MAP3K2: variants seen among roughly 807,000 people sequenced by gnomAD.
MAP3K2 encodes the protein MAP/ERK kinase kinase 2.
MAP3K2 carries 24 observed loss-of-function variants against 80.3 expected under a neutral mutation model. The ratio of observed to expected loss-of-function variants is 0.30; its 90% CI spans 0.22 to 0.42. The LOEUF (loss-of-function observed/expected upper bound fraction) is 0.42. Ranked by LOEUF, MAP3K2 falls within the 10% of genes least tolerant of loss-of-function variation. The pLI is 1.00. For synonymous variants in MAP3K2, 244 were observed against 253.7 expected (o/e 0.96, Z 0.36); for missense variants, 608 against 750.1 (o/e 0.81, Z 2.21).
intron 1 of MAP3K2, among the ~76,000 whole-genome samples, chr2:127,348,459 T>C (rs958483066): frequency 3.3e-5 from 5 of 152,124 alleles, no homozygotes; most frequent in African/African-American, 9.7e-5. Context: ...TGCTCCAACA[T>C]GGACAAATTT....
In MAP3K2 at chr2:127,298,815, T is replaced by A. The variant is rs530969813; in HGVS notation, c.*8764A>T. 2.0e-5 allele frequency: 3 copies of A among 152,212 alleles called. No homozygotes were observed. Among genetic ancestry groups the A allele is most frequent in the Non-Finnish European group, 4.4e-5 (3 of 68,028 alleles). 9.4% of individuals were successfully genotyped at this position (152,212 alleles called of 1,614,324 possible). The stretch of plus-strand genomic sequence containing the variant: ...AACATGTAAGAAAAAGCAGTTTTCA[T>A]TGTGCTAATTATTGCAGGCCTTCAT... On this transcript the variant is annotated 3_prime_UTR_variant, in exon 17 of 17. Coordinates refer to ENST00000682094, the MANE Select transcript of MAP3K2 (RefSeq NM_001371910.2).
In MAP3K2 at chr2:127,304,292, C is replaced by A. The variant is rs1463308468; in HGVS notation, c.*3287G>T. On this transcript the variant is annotated 3_prime_UTR_variant, in exon 17 of 17. Coordinates refer to ENST00000682094, the MANE Select transcript of MAP3K2 (RefSeq NM_001371910.2). ...TTTTCAGTCTGTATACTTTCAAATA[C>A]ATTTTAAATAATTAACAACCCATCA... is the stretch of plus-strand genomic sequence containing the variant. 6.6e-6 allele frequency: 1 copy of A among 152,118 alleles called. No homozygotes were observed. Among genetic ancestry groups the A allele is most frequent in the East Asian group, 1.9e-4 (1 of 5,196 alleles). 9.4% of individuals were successfully genotyped at this position (152,118 alleles called of 1,614,324 possible).
rs1685667452 is a variant in MAP3K2 at position 127,304,917 on chromosome 2, A to G, written c.*2662T>C. The G allele has an allele frequency of 6.6e-6, 1 of 152,524 alleles. No homozygotes were observed. Among genetic ancestry groups the G allele is most frequent in the Non-Finnish European group, 1.5e-5 (1 of 67,996 alleles). 9.4% of individuals were successfully genotyped at this position (152,524 alleles called of 1,614,324 possible). ...ATCGTATTTTATATAATAACTCTGT[A>G]AACTATTAGTCTATTTTTAAGTCTT... On this transcript the variant is annotated 3_prime_UTR_variant, in exon 17 of 17. Transcript: ENST00000682094.
At chr2:127,344,452 C>T (rs1452838478) in intron 1 of MAP3K2, among the ~76,000 whole-genome samples, 1 of 149,160 alleles carries the variant, frequency 6.7e-6, no homozygotes, top group Non-Finnish European at 1.5e-5. Flanking sequence ...GAGTTTGAGA[C>T]CAGCCTGGGC....
At chr2:127,334,873 C>A (rs753033961) in intron 5 of MAP3K2, among the ~76,000 whole-genome samples, 2 of 150,962 alleles carry the variant, frequency 1.3e-5, no homozygotes, top group Non-Finnish European at 2.9e-5. Context: ...CGGGTTCAAG[C>A]GATTCTCCTA....
chr2:127,384,236 T>TA (rs1558993425), intron 1 of MAP3K2, among the ~76,000 whole-genome samples: 1 of 134,274 alleles, frequency 7.4e-6, no homozygotes, highest in Non-Finnish European at 1.6e-5. Context: ...ATATATATAT[T>TA]GCTTTTTTAG....
At position 127,303,461 on chromosome 2, in the gene MAP3K2, G is replaced by A. The variant is rs1207877577; in HGVS notation, c.*4118C>T. On this transcript the variant is annotated 3_prime_UTR_variant, in exon 17 of 17. Coordinates refer to ENST00000682094, the MANE Select transcript of MAP3K2 (RefSeq NM_001371910.2). The stretch of plus-strand genomic sequence containing the variant: ...TGCTATGTGACCTGGTTGGGGAGGG[G>A]ATCCCTCTAGTTTGGAGATACTTTT... 1 of 152,072 alleles carries A rather than the reference G, an allele frequency of 6.6e-6. No individual in the cohort carries two copies. 9.4% of individuals were successfully genotyped at this position (152,072 alleles called of 1,614,324 possible).
chr2:127,316,652 A>G (rs1264370552), intron 14 of MAP3K2, among the ~76,000 whole-genome samples: 1 of 152,206 alleles, frequency 6.6e-6, no homozygotes, highest in South Asian at 2.1e-4. Flanking sequence ...AAACTTTACA[A>G]TGCAGGACTC....
chr2:127,320,102 A>G (rs1357084852), intron 12 of MAP3K2, among the ~76,000 whole-genome samples: 1 of 152,178 alleles, frequency 6.6e-6, no homozygotes, highest in Non-Finnish European at 1.5e-5. Flanking sequence ...GATATCTGGC[A>G]TTCAATGTAA....
At chr2:127,368,237 A>C (rs1011097740) in intron 1 of MAP3K2, among the ~76,000 whole-genome samples, 1 of 151,760 alleles carries the variant, frequency 6.6e-6, no homozygotes, top group African/African-American at 2.4e-5. Context: ...CACAAGAATC[A>C]CTTGAACCCA....
intron 15 of MAP3K2, among the ~76,000 whole-genome samples, chr2:127,313,260 T>A (rs952333514): frequency 6.6e-6 from 1 of 152,176 alleles, no homozygotes; most frequent in Non-Finnish European, 1.5e-5. Context: ...CTTGCCTCAT[T>A]ATGAGGGCTA....
In MAP3K2 at chr2:127,365,116, C is replaced by CAAA. The variant is rs10558890; in HGVS notation, c.-65-21925_-65-21923dup. Among the ~76,000 whole-genome samples, 114 of 31,656 alleles carry CAAA rather than the reference C, an allele frequency of 3.6e-3. 40 individuals are homozygous for CAAA. Among genetic ancestry groups the CAAA allele is most frequent in the African/African-American group, 9.0e-3 (79 of 8,786 alleles). 20.8% of individuals were successfully genotyped at this position (31,656 alleles called of 152,430 possible). On this transcript the variant is annotated intron_variant, in intron 1 of 16. Transcript: ENST00000682094. ...TGGGCGACAGAGTGAGACTCTGCCT[C>CAAA]AAAAAAAAAAAAAAAAAAAAAAAAA...
At chr2:127,369,034 G>C (rs181366046) in intron 1 of MAP3K2, among the ~76,000 whole-genome samples, 2 of 151,706 alleles carry the variant, frequency 1.3e-5, no homozygotes, top group African/African-American at 4.8e-5. Flanking sequence ...TGCAACCTCC[G>C]ACTCCCTGGT....
In MAP3K2 at chr2:127,377,053, C is replaced by G. The variant is rs543025296; in HGVS notation, c.-66+10399G>C. 2.6e-5 allele frequency among the ~76,000 whole-genome samples: 4 copies of G among 151,332 alleles called. No homozygotes were observed. The South Asian group carries it at 8.4e-4, about 32-fold the overall frequency. ...TCCAGCCTGAATGATAGAGCGAGAT[C>G]CTGTCTCAAAAAAAAAAAAGAAATC... is the stretch of plus-strand genomic sequence containing the variant. On this transcript the variant is annotated intron_variant, in intron 1 of 16. Coordinates refer to ENST00000682094, the MANE Select transcript of MAP3K2 (RefSeq NM_001371910.2).
chr2:127,342,388 G>GGGGTGTGTGTGTGTGTGTGT (rs143219830), intron 2 of MAP3K2, among the ~76,000 whole-genome samples: 3 of 147,744 alleles, frequency 2.0e-5, no homozygotes, highest in African/African-American at 7.6e-5. Context: ...TCTTCATGAG[G>GGGGTGTGTGTGTGTGTGTGT]GTGTGTGTGT....
In MAP3K2 at chr2:127,339,697, T is replaced by A. The variant is rs140160721; in HGVS notation, c.5-647A>T. On this transcript the variant is annotated intron_variant, in intron 2 of 16. Transcript: ENST00000682094. The surrounding 1 kb of genome is among the most constrained non-coding windows in gnomAD (Gnocchi z 4.2). ...AAGTCCATAAAACTGAGAGAAAGCA[T>A]CATGAACATGAACTTTTAGACTCTT... Among the ~76,000 whole-genome samples the A allele has an allele frequency of 6.6e-6, 1 of 152,304 alleles. No homozygotes were observed. Among genetic ancestry groups the A allele is most frequent in the Non-Finnish European group, 1.5e-5 (1 of 68,010 alleles).
intron 2 of MAP3K2, 24 bp downstream of exon 2, chr2:127,343,102 A>C (rs1052265331): frequency 1.9e-6 from 3 of 1,546,982 alleles, no homozygotes; most frequent in Non-Finnish European, 2.6e-6. Context: ...TTATTGCTGA[A>C]AAATGCTTTT....
rs978221335 is a variant in MAP3K2 at position 127,307,288 on chromosome 2, A to G, written c.*291T>C. ...GTATTCCAAATGATTTGTTTGTACT[A>G]AAAAGAGTGACTATGTACTAAAGTG... On this transcript the variant is annotated 3_prime_UTR_variant, in exon 17 of 17. Coordinates refer to ENST00000682094, the MANE Select transcript of MAP3K2 (RefSeq NM_001371910.2). The surrounding 1 kb of genome is among the most constrained non-coding windows in gnomAD (Gnocchi z 5.4). 27 of 184,506 alleles carry G rather than the reference A, an allele frequency of 1.5e-4. No individual in the cohort carries two copies. The highest frequency in any genetic ancestry group is 2.6e-4 in the Non-Finnish European group (23 of 89,152). 11.4% of individuals were successfully genotyped at this position (184,506 alleles called of 1,614,324 possible). A position where few individuals can be genotyped will look rare whatever the true frequency, so the allele number is the denominator to read the frequency against.
At chr2:127,325,010 C>T (rs935174041) in intron 9 of MAP3K2, among the ~76,000 whole-genome samples, 1 of 152,040 alleles carries the variant, frequency 6.6e-6, no homozygotes, top group Non-Finnish European at 1.5e-5. Context: ...TAATCTGGTG[C>T]CAGAATGAAC....
Sources: gnomAD v4.1 joint callset for allele counts (sites outside exome capture counted in the v4.1 genomes callset) on GRCh38, gnomAD v4.1.1 for gene constraint, Gnocchi (gnomAD v3.1) non-coding constraint, MANE v1.5 for transcripts, NCBI Gene and HGNC (gene_info 2026-07-23, HGNC 2026-07-21) for gene names.